Variants in GPHN observed in about 807,000 individuals in gnomAD.
GPHN encodes gephyrin.
A neutral mutation model predicts 95.5 loss-of-function variants in GPHN; 17 were observed. That is an observed-to-expected ratio of 0.18 (90% CI 0.12 to 0.27). The LOEUF is 0.27. GPHN is among the 10% of genes least tolerant of loss of function. The probability of loss-of-function intolerance (pLI) is 1.00; values close to 1 mark genes in which losing one functional copy is unlikely to be tolerated. For missense variants in GPHN, 660 were observed against 978.1 expected (o/e 0.67, Z 4.34); for synonymous variants, 320 against 322.5 (o/e 0.99, Z 0.08).
intron 2 of GPHN, among the ~76,000 whole-genome samples, chr14:66,723,233 G>A (rs527260259): frequency 1.3e-5 from 2 of 151,268 alleles, no homozygotes; most frequent in South Asian, 2.1e-4. Flanking sequence ...TTGTAAAGAC[G>A]AGTTATAAAA....
chr14:66,798,064 A>G, intron 3 of GPHN, among the ~76,000 whole-genome samples: 1 of 151,892 alleles, frequency 6.6e-6, no homozygotes, highest in Non-Finnish European at 1.5e-5. Context: ...ATGCTTTGTT[A>G]GCATCAATTG....
chr14:67,467,578 A>C, the GPHN span, among the ~76,000 whole-genome samples: 1 of 152,154 alleles, frequency 6.6e-6, no homozygotes, highest in African/African-American at 2.4e-5. Flanking sequence ...GTCTTGGCTA[A>C]GACAGCATTC....
chr14:66,707,125 G>A (rs1055248807), intron 2 of GPHN, among the ~76,000 whole-genome samples: 15 of 150,768 alleles, frequency 9.9e-5, no homozygotes, highest in Admixed American at 2.6e-4. Flanking sequence ...ACCATCTCAC[G>A]CCAGTCAGAA....
the GPHN span, chr14:67,589,801 G>T: frequency 8.9e-7 from 1 of 1,127,346 alleles, no homozygotes; most frequent in Non-Finnish European, 1.1e-6. Flanking sequence ...TTCCGAAAGT[G>T]TTCTTTGCTG....
the GPHN span, among the ~76,000 whole-genome samples, chr14:67,257,760 G>A: frequency 6.6e-6 from 1 of 152,244 alleles, no homozygotes; most frequent in East Asian, 1.9e-4. Flanking sequence ...TGTTCTCTAT[G>A]CAGAACTCAG....
the GPHN span, chr14:67,302,116 T>C: frequency 6.2e-7 from 1 of 1,600,816 alleles, no homozygotes; most frequent in Non-Finnish European, 8.5e-7. Flanking sequence ...TGATATTCCG[T>C]TGGTAAGTGT....
At chr14:66,713,726 C>T (rs776503052) in intron 2 of GPHN, among the ~76,000 whole-genome samples, 8 of 149,436 alleles carry the variant, frequency 5.4e-5, no homozygotes, top group Non-Finnish European at 1.0e-4. Flanking sequence ...GCTTTTGGCA[C>T]TATGTCATTT....
At chr14:67,469,279 A>G in the GPHN span, among the ~76,000 whole-genome samples, 2 of 152,112 alleles carry the variant, frequency 1.3e-5, no homozygotes, top group African/African-American at 4.8e-5. Flanking sequence ...ATTTGCGTTT[A>G]GCTGAAATTA....
chr14:66,670,921 A>ATT (rs1189143227), intron 1 of GPHN, among the ~76,000 whole-genome samples: 7 of 152,202 alleles, frequency 4.6e-5, no homozygotes, highest in Admixed American at 2.0e-4. Context: ...GATTTTTTTG[A>ATT]TTTATGAAAT....
intron 11 of GPHN, among the ~76,000 whole-genome samples, chr14:67,059,845 T>A (rs2144061): frequency 1.3e-5 from 2 of 151,642 alleles, no homozygotes; most frequent in African/African-American, 4.9e-5. Flanking sequence ...TAGGCTTAAA[T>A]CGTTTGTTTT....
chr14:67,174,825 G>A (rs113781320), intron 21 of GPHN, among the ~76,000 whole-genome samples: 7,744 of 152,278 alleles, frequency 0.051, 212 homozygotes, highest in Middle Eastern at 0.068. Flanking sequence ...CTTCTCTAAT[G>A]ACCAGTCATG....
At chr14:67,347,343 A>T in the GPHN span, 1 of 1,301,288 alleles carries the variant, frequency 7.7e-7, no homozygotes, top group Non-Finnish European at 1.1e-6. Context: ...TCCAGAACTT[A>T]GTTCATTTAA....
chr14:66,584,145 G>A (rs1427595090), intron 1 of GPHN, among the ~76,000 whole-genome samples: 1 of 151,996 alleles, frequency 6.6e-6, no homozygotes, highest in Non-Finnish European at 1.5e-5. Context: ...TCTCTTTGTA[G>A]CAATTGTGAA....
chr14:66,963,566 G>C (rs1263352338), intron 8 of GPHN, among the ~76,000 whole-genome samples: 1 of 151,946 alleles, frequency 6.6e-6, no homozygotes, highest in African/African-American at 2.4e-5. Flanking sequence ...AGTATAAAAT[G>C]GGTATTTGAC....
At chr14:67,002,115 T>C (rs2072271865) in intron 9 of GPHN, among the ~76,000 whole-genome samples, 1 of 151,524 alleles carries the variant, frequency 6.6e-6, no homozygotes, top group Non-Finnish European at 1.5e-5. Flanking sequence ...CCTGTAAAGA[T>C]GTTGACATTC....
At chr14:66,676,356 A>G (rs1001495857) in intron 1 of GPHN, among the ~76,000 whole-genome samples, 2 of 152,090 alleles carry the variant, frequency 1.3e-5, no homozygotes, top group Non-Finnish European at 2.9e-5. Context: ...CTTAAATACA[A>G]GTTGTAAAAG....
At chr14:67,028,419 T>A (rs1180793394) in intron 10 of GPHN, among the ~76,000 whole-genome samples, 1 of 152,202 alleles carries the variant, frequency 6.6e-6, no homozygotes, top group Non-Finnish European at 1.5e-5. Flanking sequence ...GTAGTTCTAT[T>A]TGTAGTTTTT....
chr14:67,496,846 G>A, the GPHN span, among the ~76,000 whole-genome samples: 2 of 151,374 alleles, frequency 1.3e-5, no homozygotes, highest in African/African-American at 4.9e-5. Context: ...TGCCCAGGCT[G>A]GGGTACAGTG....
chr14:66,811,302 T>TA (rs2060750448), intron 3 of GPHN, among the ~76,000 whole-genome samples: 1 of 151,852 alleles, frequency 6.6e-6, no homozygotes, highest in Admixed American at 6.6e-5. Flanking sequence ...AAATAAAACG[T>TA]AAAAAAAGAA....
Sources: gnomAD v4.1 joint callset for allele counts (sites outside exome capture counted in the v4.1 genomes callset) on GRCh38, gnomAD v4.1.1 for gene constraint, MANE v1.5 for transcripts, NCBI Gene and HGNC (gene_info 2026-07-23, HGNC 2026-07-21) for gene names.